PTPRE: variants seen among roughly 807,000 people sequenced by gnomAD.
PTPRE encodes protein tyrosine phosphatase receptor type E.
A neutral mutation model predicts 102.0 loss-of-function variants in PTPRE; 51 were observed. The ratio of observed to expected loss-of-function variants is 0.50; its 90% CI spans 0.40 to 0.63. PTPRE has a LOEUF of 0.63. PTPRE is among the 30% of genes least tolerant of loss of function. The probability of loss-of-function intolerance (pLI) is 0.00; values close to 1 mark genes in which losing one functional copy is unlikely to be tolerated. For synonymous variants in PTPRE, 345 were observed against 348.2 expected, an observed-to-expected ratio of 0.99 and a Z score of 0.10; for missense variants, 752 against 915.1, an observed-to-expected ratio of 0.82 and a Z score of 2.30.
chr10:128,064,536 C>T (rs910609444), intron 10 of PTPRE, among the ~76,000 whole-genome samples: 28 of 152,338 alleles, frequency 1.8e-4, no homozygotes, highest in African/African-American at 6.5e-4. Flanking sequence ...CTCAGGGTCC[C>T]CCGTGACCCA....
In PTPRE at chr10:128,022,808, G is replaced by A. The variant is rs910160681; in HGVS notation, c.-7-18067G>A. Among the ~76,000 whole-genome samples, 17 of 152,202 alleles carry A rather than the reference G, an allele frequency of 1.1e-4. No individual in the cohort carries two copies. In the East Asian group the frequency reaches 1.3e-3, roughly 12 times the overall value. ...CTGGAGGCAGGTGTGATGCCAGAGC[G>A]GAGTCCTGTGAACAAGGGCCAGGAG... On this transcript the variant is annotated intron_variant, in intron 2 of 20. Coordinates refer to ENST00000254667, the MANE Select transcript of PTPRE (RefSeq NM_006504.6).
rs1018770631 is a variant in PTPRE, at chr10:127,959,961, G to A, written c.-30-22313G>A. ...TGATACTCTCTTTAGTGCTGTAAGAGATGTGACGATATCAAAGCTAGTGCC... is the reference window on the plus strand; with the variant it reads ...TGATACTCTCTTTAGTGCTGTAAGAAATGTGACGATATCAAAGCTAGTGCC... On this transcript the variant is annotated intron_variant, in intron 1 of 20. Transcript: ENST00000254667. Among the ~76,000 whole-genome samples the A allele has an allele frequency of 3.9e-5, 6 of 152,342 alleles. No homozygotes were observed. The South Asian group carries it at 1.2e-3, about 32-fold the overall frequency.
At chr10:128,026,896 T>C (rs1320159614) in intron 2 of PTPRE, among the ~76,000 whole-genome samples, 1 of 152,240 alleles carries the variant, frequency 6.6e-6, no homozygotes, top group African/African-American at 2.4e-5. Flanking sequence ...ATATTCACAC[T>C]TGAAGCTTGG....
rs1248496986 is a variant in PTPRE at position 128,070,326 on chromosome 10, C to G, written c.1169C>G (p.Ala390Gly). 3.7e-6 allele frequency: 6 copies of G among 1,613,282 alleles called. No homozygotes were observed. The Admixed American group carries it at 6.7e-5, about 18-fold the overall frequency. ...TDMQYTFIYQ[A>G]LLEYYLYGDT... ...ATGCAGTACACGTTCATCTACCAAG[C>G]CTTACTCGAGTACTACCTCTACGGG... Residue 390 changes from alanine (A) to glycine (G), a missense_variant, in exon 14 of 21, where the codon GCC (alanine) becomes GGC (glycine). Physicochemically the swap from Ala to Gly is moderately conservative, Grantham distance 60. This residue lies in a region of PTPRE where 636 missense variants were observed against 824.4 expected (regional missense o/e 0.77). Coordinates refer to ENST00000254667, the MANE Select transcript of PTPRE (RefSeq NM_006504.6). The surrounding 1 kb of genome is among the most constrained non-coding windows in gnomAD (Gnocchi z 4.8).
intron 10 of PTPRE, among the ~76,000 whole-genome samples, chr10:128,063,565 CTAG>C (rs1187303565): frequency 6.6e-6 from 1 of 152,170 alleles, no homozygotes; most frequent in Middle Eastern, 3.2e-3. Flanking sequence ...ATTATCCAGA[CTAG>C]AGAAATGCTT....
rs1844701225 is a variant in PTPRE, at chr10:128,008,488, C to T, written c.-8+26192C>T. On this transcript the variant is annotated intron_variant, in intron 2 of 20. Coordinates refer to ENST00000254667, the MANE Select transcript of PTPRE (RefSeq NM_006504.6). This position sits in a 1 kb window ranked among gnomAD's most constrained non-coding sequence, Gnocchi z 4.0. ...AAACAGCCAGTCCCGGGTTTCTAAACCCAGTTGATCAATATCCCCTTTATT... is the reference window on the plus strand; with the variant it reads ...AAACAGCCAGTCCCGGGTTTCTAAATCCAGTTGATCAATATCCCCTTTATT... Among the ~76,000 whole-genome samples, 2 of 152,200 alleles carry T rather than the reference C, an allele frequency of 1.3e-5. No homozygotes were observed. The highest frequency in any genetic ancestry group is 4.1e-4 in the South Asian group (2 of 4,834).
At chr10:128,004,201 G>A (rs1480521541) in intron 2 of PTPRE, among the ~76,000 whole-genome samples, 1 of 151,034 alleles carries the variant, frequency 6.6e-6, no homozygotes, top group African/African-American at 2.4e-5. Context: ...TTCTCCATGG[G>A]GATCTTGGAT....
At chr10:127,987,535 C>T in intron 2 of PTPRE, 1 of 332,500 alleles carries the variant, frequency 3.0e-6, no homozygotes, top group Non-Finnish European at 5.7e-6. Flanking sequence ...TTTGGCAAGC[C>T]TCTTAGTTAC....
chr10:128,017,448 TTCTC>T (rs1344770425), intron 2 of PTPRE, among the ~76,000 whole-genome samples: 1 of 152,080 alleles, frequency 6.6e-6, no homozygotes, highest in Non-Finnish European at 1.5e-5. Flanking sequence ...TTTTTTTTCT[TTCTC>T]ACAGACATTT....
chr10:127,955,973 C>G (rs780100143), intron 1 of PTPRE, among the ~76,000 whole-genome samples: 4 of 152,136 alleles, frequency 2.6e-5, no homozygotes, highest in Non-Finnish European at 5.9e-5. Context: ...TCCCATGATC[C>G]AGTTACTTCC....
chr10:128,007,784 G>A (rs1267022943), intron 2 of PTPRE, among the ~76,000 whole-genome samples: 1 of 152,200 alleles, frequency 6.6e-6, no homozygotes, highest in East Asian at 1.9e-4. Context: ...TCAGAGAGCT[G>A]CTTTGGGATC....
chr10:127,932,222 C>T (rs760133281), intron 1 of PTPRE, among the ~76,000 whole-genome samples: 1 of 152,198 alleles, frequency 6.6e-6, no homozygotes, highest in Non-Finnish European at 1.5e-5. Context: ...AAATTACACG[C>T]AAAGTCTATA....
chr10:128,033,296 G>A (rs553807038), intron 2 of PTPRE, among the ~76,000 whole-genome samples: 15 of 152,358 alleles, frequency 9.8e-5, no homozygotes, highest in African/African-American at 2.9e-4. Flanking sequence ...ATAGCTGTTA[G>A]TGCTCCCAAG....
intron 1 of PTPRE, among the ~76,000 whole-genome samples, chr10:127,912,200 G>GCTCACAGCCAGAAATGTGGGC (rs1369750041): frequency 6.6e-6 from 1 of 152,104 alleles, no homozygotes; most frequent in Non-Finnish European, 1.5e-5. Flanking sequence ...ACAACACCCT[G>GCTCACAGCCAGAAATGTGGGC]CTCACAGCCA....
At chr10:128,033,739 G>C (rs11016028) in intron 2 of PTPRE, among the ~76,000 whole-genome samples, 86,759 of 152,090 alleles carry the variant, frequency 0.57, 24,848 homozygotes, top group East Asian at 0.62. Flanking sequence ...CCGCCTCCCG[G>C]GTTCAAGCGA....
chr10:127,995,229 G>T (rs1853127328), intron 2 of PTPRE, among the ~76,000 whole-genome samples: 1 of 152,270 alleles, frequency 6.6e-6, no homozygotes, highest in South Asian at 2.1e-4. Flanking sequence ...TCAGAGAGGA[G>T]AACCCAAAGT....
intron 1 of PTPRE, among the ~76,000 whole-genome samples, chr10:127,967,573 C>A (rs1346321018): frequency 6.6e-6 from 1 of 152,188 alleles, no homozygotes; most frequent in Non-Finnish European, 1.5e-5. Context: ...ACTGTGAGTC[C>A]ATTAAACCTC....
At chr10:128,067,755 T>C (rs115711365) in intron 11 of PTPRE, among the ~76,000 whole-genome samples, 181 of 152,266 alleles carry the variant, frequency 1.2e-3, no homozygotes, top group African/African-American at 4.1e-3. Flanking sequence ...GTGCTGTTGG[T>C]GATTACTCAG....
Position 127,988,811 on chromosome 10 carries a change from A to G in PTPRE, c.-8+6515A>G, listed in dbSNP as rs544168535. Among the ~76,000 whole-genome samples, 16 of 152,322 alleles carry G rather than the reference A, an allele frequency of 1.1e-4. No individual in the cohort carries two copies. In the South Asian group the frequency reaches 3.3e-3, roughly 32 times the overall value. On this transcript the variant is annotated intron_variant, in intron 2 of 20. Coordinates refer to ENST00000254667, the MANE Select transcript of PTPRE (RefSeq NM_006504.6). ...GTACCCATGTAAGAAACCTGCACAC[A>G]TACTCTCGAATCTACAATAACATTT...
Sources: allele counts gnomAD v4.1 joint callset (sites outside exome capture counted in the v4.1 genomes callset), GRCh38; gene constraint gnomAD v4.1.1; regional missense constraint gnomAD v4.1.1; non-coding constraint Gnocchi (gnomAD v3.1); transcripts MANE v1.5; gene names NCBI Gene and HGNC (gene_info 2026-07-23, HGNC 2026-07-21).